UGT1A10: variants seen among roughly 807,000 people sequenced by gnomAD.
The protein encoded by UGT1A10 is UDP-glucuronosyltransferase 1A10.
UGT1A10 carries 49 observed loss-of-function variants against 45.8 expected under a neutral mutation model. The observed-to-expected ratio is 1.07, with a 90% CI of 0.85 to 1.36. UGT1A10 has a LOEUF of 1.36. UGT1A10 is among the 40% of genes most tolerant of loss of function. The pLI, the probability that UGT1A10 is intolerant of heterozygous loss-of-function variation, is 0.00. For synonymous variants in UGT1A10, 284 were observed against 249.7 expected, an observed-to-expected ratio of 1.14 and a Z score of -1.29; for missense variants, 745 against 668.6, an observed-to-expected ratio of 1.11 and a Z score of -1.26.
intron 1 of UGT1A10, chr2:233,672,246 T>C (rs747225870): frequency 1.2e-6 from 2 of 1,614,214 alleles, no homozygotes; most frequent in Admixed American, 3.3e-5. Flanking sequence ...AAGTACGAAG[T>C]ATATATTCTC....
chr2:233,673,563 A>AT (rs1478779094), intron 1 of UGT1A10, among the ~76,000 whole-genome samples: 4 of 151,916 alleles, frequency 2.6e-5, no homozygotes, highest in Non-Finnish European at 4.4e-5. Flanking sequence ...TTTTTTTGCT[A>AT]TTGTGTCTTC....
At chr2:233,745,465 G>C (rs1164210387) in intron 1 of UGT1A10, among the ~76,000 whole-genome samples, 3 of 151,586 alleles carry the variant, frequency 2.0e-5, no homozygotes, top group Non-Finnish European at 2.9e-5. Flanking sequence ...AGTTCTAAGG[G>C]GAAAATGATT....
At chr2:233,702,755 A>G (rs1175807851) in intron 1 of UGT1A10, among the ~76,000 whole-genome samples, 2 of 152,122 alleles carry the variant, frequency 1.3e-5, no homozygotes, top group Non-Finnish European at 2.9e-5. Flanking sequence ...TATTCTAGTG[A>G]TATGTGTTAA....
chr2:233,705,344 C>G (rs771723864), intron 1 of UGT1A10, among the ~76,000 whole-genome samples: 1 of 152,092 alleles, frequency 6.6e-6, no homozygotes, highest in Non-Finnish European at 1.5e-5. Context: ...CAATTTTTGT[C>G]TTATTACATG....
intron 1 of UGT1A10, among the ~76,000 whole-genome samples, chr2:233,699,389 T>C (rs1285645026): frequency 3.3e-5 from 5 of 152,220 alleles, no homozygotes; most frequent in Non-Finnish European, 5.9e-5. Flanking sequence ...AATATCTCAA[T>C]TTTAGAAGAG....
intron 1 of UGT1A10, among the ~76,000 whole-genome samples, chr2:233,756,540 G>A (rs1404409517): frequency 2.0e-5 from 3 of 152,048 alleles, no homozygotes; most frequent in African/African-American, 7.2e-5. Flanking sequence ...TTTCTTGACT[G>A]CTAAAACAAC....
rs749486382 is a variant in UGT1A10, at chr2:233,637,268, C to G, written c.746C>G (p.Ser249Ter). The part of the protein sequence containing the change: ...VTAYDLYSHT[S>*]IWLLRTDFVL... ...GCATATGATCTCTACAGTCACACAT[C>G]AATTTGGTTGTTGCGAACGGACTTT... The change falls in exon 1 of 5, where the codon TCA becomes TGA. Residue 249 changes from serine (S) to a stop codon, truncating the protein, a stop_gained. Coordinates refer to ENST00000344644, the MANE Select transcript of UGT1A10 (RefSeq NM_019075.4). LOFTEE classifies it high-confidence loss of function. 1 of 1,613,946 alleles carries G rather than the reference C, an allele frequency of 6.2e-7. No homozygotes were observed. The highest frequency in any genetic ancestry group is 1.1e-5 in the South Asian group (1 of 91,078).
At chr2:233,767,195 T>C (rs1699333145) in intron 2 of UGT1A10, 30 bp downstream of exon 2, 10 of 1,613,760 alleles carry the variant, frequency 6.2e-6, no homozygotes, top group Non-Finnish European at 6.8e-6. Context: ...TGGCCTCATA[T>C]CTATTTTCAC....
Position 233,693,787 on chromosome 2 carries a change from T to G in UGT1A10, c.855+56410T>G, listed in dbSNP as rs202244084. The G allele has an allele frequency of 5.0e-6, 8 of 1,614,234 alleles. No individual in the cohort carries two copies. In the East Asian group the frequency reaches 1.8e-4, roughly 36 times the overall value. ...GGCTGTTAAGATATGACTTTGTGCT[T>G]GAATATCCTAGGCCGGTCATGCCCA... On this transcript the variant is annotated intron_variant, in intron 1 of 4. Coordinates refer to ENST00000344644, the MANE Select transcript of UGT1A10 (RefSeq NM_019075.4).
intron 1 of UGT1A10, chr2:233,692,249 A>G (rs992751778): frequency 6.6e-6 from 1 of 152,426 alleles, no homozygotes; most frequent in Admixed American, 6.5e-5. Flanking sequence ...CCATACCCCC[A>G]TATCTTGTTC....
At chr2:233,747,065 G>T (rs1693553512) in intron 1 of UGT1A10, 1 of 956,080 alleles carries the variant, frequency 1.0e-6, no homozygotes, top group Admixed American at 2.9e-5. Context: ...TGGTTAATCG[G>T]TAATAATTAA....
chr2:233,735,210 C>T (rs1481104383), intron 1 of UGT1A10, among the ~76,000 whole-genome samples: 2 of 152,078 alleles, frequency 1.3e-5, no homozygotes, highest in Non-Finnish European at 2.9e-5. Context: ...GTATTGGGTG[C>T]ATATATATTT....
chr2:233,640,858 A>G (rs896719394), intron 1 of UGT1A10, among the ~76,000 whole-genome samples: 11 of 152,144 alleles, frequency 7.2e-5, no homozygotes, highest in African/African-American at 2.7e-4. Context: ...TCAGGGGGGA[A>G]ATGTGGAGCC....
chr2:233,734,975 A>G (rs1254918242), intron 1 of UGT1A10, among the ~76,000 whole-genome samples: 1 of 152,228 alleles, frequency 6.6e-6, no homozygotes, highest in Non-Finnish European at 1.5e-5. Context: ...TGGTGCTGAG[A>G]AGAATGTATA....
chr2:233,680,149 G>C (rs1329361985), intron 1 of UGT1A10, among the ~76,000 whole-genome samples: 1 of 151,918 alleles, frequency 6.6e-6, no homozygotes. Flanking sequence ...AAGTTTTTTT[G>C]GTAATGTCAT....
intron 1 of UGT1A10, chr2:233,743,523 T>A (rs1440722806): frequency 7.3e-7 from 1 of 1,367,212 alleles, no homozygotes; most frequent in Non-Finnish European, 9.8e-7. Context: ...TGCTTCTGCT[T>A]CCCCAGCAGT....
At chr2:233,682,936 T>C in intron 1 of UGT1A10, 1 of 1,440,140 alleles carries the variant, frequency 6.9e-7, no homozygotes, top group Non-Finnish European at 9.2e-7. Context: ...CCAATTCACT[T>C]AATTGTTGGG....
At chr2:233,691,294 G>A in intron 1 of UGT1A10, 1 of 985,516 alleles carries the variant, frequency 1.0e-6, no homozygotes. Flanking sequence ...ATTGTAAGCT[G>A]CCAATCCTCT....
intron 1 of UGT1A10, 122 bp from the exon 2 acceptor site, chr2:233,766,912 T>C: frequency 6.5e-7 from 1 of 1,532,250 alleles, no homozygotes; most frequent in African/African-American, 1.4e-5. Context: ...TTTTACTCTA[T>C]CTCAAACACG....
Sources: allele counts gnomAD v4.1 joint callset (sites outside exome capture counted in the v4.1 genomes callset), GRCh38; gene constraint gnomAD v4.1.1; transcripts MANE v1.5; gene names NCBI Gene and HGNC (gene_info 2026-07-23, HGNC 2026-07-21).